SMOC2: variants seen among roughly 807,000 people sequenced by gnomAD.
SMOC2 encodes the protein SPARC-related modular calcium-binding protein 2.
A neutral mutation model predicts 61.4 loss-of-function variants in SMOC2; 39 were observed. The ratio of observed to expected loss-of-function variants is 0.64; its 90% CI spans 0.49 to 0.83. The LOEUF is 0.83. Among genes scored for constraint, SMOC2 ranks in the 40% least tolerant of loss-of-function variants. The pLI, the probability that SMOC2 is intolerant of heterozygous loss-of-function variation, is 0.00. For missense variants in SMOC2, 556 were observed against 592.9 expected (o/e 0.94, Z 0.65); for synonymous variants, 247 against 239.9 (o/e 1.03, Z -0.27).
At position 168,441,441 on chromosome 6, in the gene SMOC2, T is replaced by C. The variant is rs544757615; in HGVS notation, c.71T>C (p.Phe24Ser). 3 of 1,507,966 alleles carry C rather than the reference T, an allele frequency of 2.0e-6. No homozygotes were observed. The highest frequency in any genetic ancestry group is 2.5e-5 in the South Asian group (2 of 80,424). The allele number at this position is 1,507,966 out of a possible 1,614,324, so 93.4% of individuals were successfully genotyped here. The change falls in exon 1 of 13, where the codon TTC becomes TCC. Residue 24 changes from phenylalanine (F) to serine (S), a missense_variant. Coordinates refer to ENST00000356284, the MANE Select transcript of SMOC2 (RefSeq NM_001166412.2). Reference protein sequence around the residue: ...GLLPPVPAQKFSALTFLRVDQ... With the variant: ...GLLPPVPAQKSSALTFLRVDQ... ...CTCCCGCCGGTGCCCGCTCAGAAGT[T>C]CTCGGCGCTCACGGTAAGCCCGGGC...
chr6:168,576,443 C>T (rs1312133112), intron 7 of SMOC2, among the ~76,000 whole-genome samples: 3 of 152,126 alleles, frequency 2.0e-5, no homozygotes, highest in Non-Finnish European at 4.4e-5. Flanking sequence ...CCTAGGCTCA[C>T]ACGCTTCCAG....
At chr6:168,604,858 C>A (rs1370496009) in intron 8 of SMOC2, among the ~76,000 whole-genome samples, 1 of 152,200 alleles carries the variant, frequency 6.6e-6, no homozygotes. Context: ...GGTGCAGTTT[C>A]TAGTTGGACC....
In SMOC2 at chr6:168,444,744, A is replaced by G. The variant is rs140786050; in HGVS notation, c.84+3290A>G. On this transcript the variant is annotated intron_variant, in intron 1 of 12. Transcript: ENST00000356284. ...CTCTAGTATAAATGGTTTTTATTAC[A>G]CATAATTCTGTTTTCAAAGAGCAAA... Among the ~76,000 whole-genome samples the G allele has an allele frequency of 5.4e-3, 821 of 152,326 alleles. 11 individuals are homozygous for G. Among genetic ancestry groups the G allele is most frequent in the African/African-American group, 0.019 (783 of 41,572 alleles).
rs576656696 is a variant in SMOC2 at position 168,582,329 on chromosome 6, T to G, written c.638-16489T>G. 5.3e-5 allele frequency among the ~76,000 whole-genome samples: 8 copies of G among 152,278 alleles called. No homozygotes were observed. In the East Asian group the frequency reaches 1.2e-3, roughly 22 times the overall value. On this transcript the variant is annotated intron_variant, in intron 7 of 12. Coordinates refer to ENST00000356284, the MANE Select transcript of SMOC2 (RefSeq NM_001166412.2). ...CTAACAGCAATTATAGCTGGAGATG[T>G]GTGAGACCGTTACTAGCTCTCCCCA... is the stretch of plus-strand genomic sequence containing the variant.
At chr6:168,642,299 G>A (rs539335155) in intron 9 of SMOC2, among the ~76,000 whole-genome samples, 16 of 152,330 alleles carry the variant, frequency 1.1e-4, no homozygotes, top group South Asian at 1.0e-3. Flanking sequence ...ACAGCTCGGC[G>A]TCAGCCTCAT....
At chr6:168,613,844 G>A (rs1301331624) in intron 9 of SMOC2, among the ~76,000 whole-genome samples, 1 of 120,356 alleles carries the variant, frequency 8.3e-6, no homozygotes, top group East Asian at 2.6e-4. Context: ...CACACCTACA[G>A]CCAGCACAGG....
At chr6:168,642,413 C>T (rs185118249) in intron 9 of SMOC2, among the ~76,000 whole-genome samples, 5 of 152,314 alleles carry the variant, frequency 3.3e-5, no homozygotes, top group East Asian at 3.9e-4. Context: ...CTACAGTTCA[C>T]AACGTACACA....
intron 7 of SMOC2, among the ~76,000 whole-genome samples, chr6:168,550,623 T>C (rs1195364690): frequency 6.6e-6 from 1 of 152,140 alleles, no homozygotes; most frequent in Non-Finnish European, 1.5e-5. Flanking sequence ...CCCCGGAGTC[T>C]TAGCTGTGTG....
chr6:168,623,804 A>T (rs1786311394), intron 9 of SMOC2, among the ~76,000 whole-genome samples: 1 of 152,096 alleles, frequency 6.6e-6, no homozygotes, highest in South Asian at 2.1e-4. Context: ...AATCACTTCG[A>T]CAGCCTCCGG....
At chr6:168,543,456 GGTGACA>G (rs1443647752) in intron 4 of SMOC2, among the ~76,000 whole-genome samples, 163 bp from the exon 5 acceptor site, 1 of 152,168 alleles carries the variant, frequency 6.6e-6, no homozygotes, top group East Asian at 1.9e-4. Context: ...TGAGTGTTTA[GGTGACA>G]GTGTCCCCTC....
intron 4 of SMOC2, among the ~76,000 whole-genome samples, chr6:168,528,263 T>G (rs1414525497): frequency 1.1e-5 from 1 of 93,046 alleles, no homozygotes; most frequent in African/African-American, 3.0e-5. Context: ...TCTTTCCCAT[T>G]AGTGTTTTTT....
chr6:168,625,119 C>T (rs1201187823), intron 9 of SMOC2, among the ~76,000 whole-genome samples: 2 of 152,210 alleles, frequency 1.3e-5, no homozygotes, highest in African/African-American at 4.8e-5. Context: ...GCTCCTGCTT[C>T]GCGTTTGCTC....
Position 168,608,165 on chromosome 6 carries a change from A to G in SMOC2, c.833A>G (p.Gln278Arg). The G allele has an allele frequency of 6.2e-7, 1 of 1,613,708 alleles. No homozygotes were observed. The highest frequency in any genetic ancestry group is 8.5e-7 in the Non-Finnish European group (1 of 1,179,922). The stretch of plus-strand genomic sequence containing the variant: ...CTTCCCCCCGCCCATAGGTACGAGC[A>G]GCCGAAATGTGACAACACGGCCAGG... Reference protein sequence around the residue: ...PIPGTSTRYEQPKCDNTARAH... With the variant: ...PIPGTSTRYERPKCDNTARAH... The change falls in exon 9 of 13, where the codon CAG (glutamine) becomes CGG (arginine). Residue 278 changes from glutamine to arginine, a missense_variant. Physicochemically the swap from Gln to Arg is conservative, Grantham distance 43. Transcript: ENST00000356284.
rs557451190 is a variant in SMOC2 at position 168,453,013 on chromosome 6, C to A, written c.84+11559C>A. Among the ~76,000 whole-genome samples, 2 of 152,200 alleles carry A rather than the reference C, an allele frequency of 1.3e-5. No individual in the cohort carries two copies. The highest frequency in any genetic ancestry group is 4.8e-5 in the African/African-American group (2 of 41,454). On this transcript the variant is annotated intron_variant, in intron 1 of 12. Coordinates refer to ENST00000356284, the MANE Select transcript of SMOC2 (RefSeq NM_001166412.2). This position sits in a 1 kb window ranked among gnomAD's most constrained non-coding sequence, Gnocchi z 4.4. ...CTCCCAGTGGCTCTGACAGCAGGGCCGGGGGCATAGTTCCCTGGAAGTCGG... is the reference window on the plus strand; with the variant it reads ...CTCCCAGTGGCTCTGACAGCAGGGCAGGGGGCATAGTTCCCTGGAAGTCGG...
At chr6:168,642,336 C>T (rs980278899) in intron 9 of SMOC2, among the ~76,000 whole-genome samples, 6 of 152,242 alleles carry the variant, frequency 3.9e-5, no homozygotes, top group East Asian at 3.8e-4. Flanking sequence ...CAGTTGGCTA[C>T]GTTGGATTGG....
Position 168,527,622 on chromosome 6 carries a change from T to C in SMOC2, c.364-6T>C. On this transcript the variant is annotated splice_polypyrimidine_tract_variant and splice_region_variant and intron_variant, in intron 3 of 12. Transcript: ENST00000356284. Reference sequence around the variant, plus strand: ...GAGGGCTTACCCGTCCTGTGCTCTCTCGCAGGTCCAGTGTCACAGCTACAC... The same window carrying C: ...GAGGGCTTACCCGTCCTGTGCTCTCCCGCAGGTCCAGTGTCACAGCTACAC... 1 of 1,548,716 alleles carries C rather than the reference T, an allele frequency of 6.5e-7. No individual in the cohort carries two copies. The highest frequency in any genetic ancestry group is 2.0e-4 in the Middle Eastern group (1 of 4,966).
At chr6:168,450,565 A>C (rs1781437311) in intron 1 of SMOC2, among the ~76,000 whole-genome samples, 1 of 151,918 alleles carries the variant, frequency 6.6e-6, no homozygotes, top group South Asian at 2.1e-4. Flanking sequence ...CTCTTCCAGT[A>C]TTTGGGGTGT....
chr6:168,495,527 C>T (rs1053223982), intron 1 of SMOC2, among the ~76,000 whole-genome samples: 5 of 152,188 alleles, frequency 3.3e-5, no homozygotes, highest in African/African-American at 9.6e-5. Context: ...ACCTCCCGAA[C>T]GATAAATGAG....
chr6:168,648,651 T>C (rs1363642383), intron 9 of SMOC2, among the ~76,000 whole-genome samples: 3 of 152,214 alleles, frequency 2.0e-5, no homozygotes, highest in African/African-American at 7.2e-5. Context: ...GTGATGCTTT[T>C]TGCTATAGAT....
Sources: allele counts gnomAD v4.1 joint callset (sites outside exome capture counted in the v4.1 genomes callset), GRCh38; gene constraint gnomAD v4.1.1; non-coding constraint Gnocchi (gnomAD v3.1); transcripts MANE v1.5; gene names NCBI Gene and HGNC (gene_info 2026-07-23, HGNC 2026-07-21).